Variants in SETD7 observed in about 807,000 individuals in gnomAD.
SETD7 encodes SET domain containing 7, histone lysine methyltransferase.
SETD7 carries 16 observed loss-of-function variants against 41.8 expected under a neutral mutation model. The ratio of observed to expected loss-of-function variants is 0.38; its 90% CI spans 0.26 to 0.58. The LOEUF (loss-of-function observed/expected upper bound fraction) is 0.58, where lower values mean the gene tolerates loss of function less well. SETD7 is among the 20% of genes least tolerant of loss of function. SETD7 has a pLI of 0.64. For synonymous variants in SETD7, 163 were observed against 169.7 expected (o/e 0.96, Z 0.31); for missense variants, 346 against 459.7 (o/e 0.75, Z 2.26).
chr4:139,554,403 A>C (rs1270198423), intron 1 of SETD7, among the ~76,000 whole-genome samples: 1 of 152,260 alleles, frequency 6.6e-6, no homozygotes. Context: ...AACATGGAGA[A>C]CAGTACCAGC....
At chr4:139,525,255 T>C (rs373551100) in intron 4 of SETD7, among the ~76,000 whole-genome samples, 4 of 152,230 alleles carry the variant, frequency 2.6e-5, no homozygotes, top group African/African-American at 9.7e-5. Flanking sequence ...TGTACAACAC[T>C]AGGGACTGTG....
Position 139,510,942 on chromosome 4 carries a change from T to A in SETD7, c.*721A>T, listed in dbSNP as rs889676795. The A allele has an allele frequency of 6.6e-6, 1 of 152,636 alleles. No homozygotes were observed. The highest frequency in any genetic ancestry group is 1.9e-4 in the East Asian group (1 of 5,200). 9.5% of individuals were successfully genotyped at this position (152,636 alleles called of 1,614,324 possible). On this transcript the variant is annotated 3_prime_UTR_variant, in exon 8 of 8. Transcript: ENST00000274031. ...GTTTACATGCGAGAATAATATTCTA[T>A]AATAATACCCTGGCCCTATGAGCCA...
downstream of SETD7, among the ~76,000 whole-genome samples, chr4:139,503,554 A>G (rs544294563): frequency 2.2e-4 from 33 of 152,218 alleles, no homozygotes; most frequent in Non-Finnish European, 4.9e-4. Context: ...TGAATAATCT[A>G]AAACACTTAA....
rs1240752014 is a variant in SETD7, at chr4:139,510,726, A to G, written c.*937T>C. The G allele has an allele frequency of 6.6e-6, 1 of 152,536 alleles. No individual in the cohort carries two copies. Among genetic ancestry groups the G allele is most frequent in the East Asian group, 1.9e-4 (1 of 5,208 alleles). The allele number at this position is 152,536 out of a possible 1,614,324, so 9.4% of individuals were successfully genotyped here. A position where few individuals can be genotyped will look rare whatever the true frequency, so the allele number is the denominator to read the frequency against. On this transcript the variant is annotated 3_prime_UTR_variant, in exon 8 of 8. Transcript: ENST00000274031. ...CAAGCCTGACCGCGCTATGTTATGT[A>G]CATTTAATGTGTACTCAAGGAGGAA...
chr4:139,529,355 C>A (rs1043632052), intron 3 of SETD7, 135 bp from the exon 4 acceptor site: 2 of 615,450 alleles, frequency 3.2e-6, no homozygotes, highest in Non-Finnish European at 5.3e-6. Context: ...GAACCCAGAG[C>A]TTTTCACCTG....
In SETD7 at chr4:139,507,043, C is replaced by A. The variant is rs1310991764; in HGVS notation, c.*4620G>T. On this transcript the variant is annotated 3_prime_UTR_variant, in exon 8 of 8. Coordinates refer to ENST00000274031, the MANE Select transcript of SETD7 (RefSeq NM_030648.4). The stretch of plus-strand genomic sequence containing the variant: ...GAAGTCAGAAGGTAGAGATTGCTGG[C>A]AAAACTGTGAAGTCCCACCCTGGGG... 6.5e-6 allele frequency: 1 copy of A among 152,720 alleles called. No individual in the cohort carries two copies. Among genetic ancestry groups the A allele is most frequent in the Non-Finnish European group, 1.5e-5 (1 of 68,102 alleles). The allele number at this position is 152,720 out of a possible 1,614,324, so 9.5% of individuals were successfully genotyped here.
chr4:139,496,480 A>C (rs1726457376), exon 8 of SETD7: 2 of 702,280 alleles, frequency 2.8e-6, no homozygotes, highest in African/African-American at 3.5e-5. Flanking sequence ...TGGAGCCCCA[A>C]ATCTGCTTCT....
chr4:139,547,122 A>T (rs1015416755), intron 1 of SETD7, 73 bp from the exon 2 acceptor site: 1 of 1,570,294 alleles, frequency 6.4e-7, no homozygotes, highest in African/African-American at 1.4e-5. Context: ...AAGCATTCAG[A>T]TGCTGCCAGA....
At chr4:139,541,948 T>C (rs867525913) in intron 2 of SETD7, among the ~76,000 whole-genome samples, 34 of 152,212 alleles carry the variant, frequency 2.2e-4, no homozygotes, top group African/African-American at 7.2e-4. Flanking sequence ...CCCATGTTTA[T>C]TGCACTATTC....
rs568301401 is a variant in SETD7, at chr4:139,526,046, T to G, written c.563-2611A>C. On this transcript the variant is annotated intron_variant, in intron 4 of 7. Transcript: ENST00000274031. ...GAAGGTTTTTGTTGTTGTTGTTTGTTTTTGTTTGTTTGTTTGTTTGTTTTG... is the reference window on the plus strand; with the variant it reads ...GAAGGTTTTTGTTGTTGTTGTTTGTGTTTGTTTGTTTGTTTGTTTGTTTTG... 1.6e-3 allele frequency among the ~76,000 whole-genome samples: 235 copies of G among 150,982 alleles called. 3 individuals carry two copies. In the Middle Eastern group the frequency reaches 0.024, roughly 15 times the overall value.
rs1560696134 is a variant in SETD7 at position 139,555,289 on chromosome 4, G to T, written c.40+809C>A. 6.6e-6 allele frequency among the ~76,000 whole-genome samples: 1 copy of T among 151,972 alleles called. No homozygotes were observed. Among genetic ancestry groups the T allele is most frequent in the Non-Finnish European group, 1.5e-5 (1 of 67,992 alleles). On this transcript the variant is annotated intron_variant, in intron 1 of 7. Coordinates refer to ENST00000274031, the MANE Select transcript of SETD7 (RefSeq NM_030648.4). This position sits in a 1 kb window ranked among gnomAD's most constrained non-coding sequence, Gnocchi z 4.0. ...GGCGGAGAAACACGACACTGAGGCGGTGATATCACCCACAGCCAACGGCAT... is the reference window on the plus strand; with the variant it reads ...GGCGGAGAAACACGACACTGAGGCGTTGATATCACCCACAGCCAACGGCAT...
intron 1 of SETD7, 63 bp downstream of exon 1, chr4:139,556,035 C>G: frequency 6.7e-7 from 1 of 1,494,060 alleles, no homozygotes; most frequent in Middle Eastern, 1.7e-4. Context: ...TCGCAGCCCG[C>G]CACTCCTTCC....
chr4:139,507,333 A>G lies in SETD7; in HGVS notation c.*4330T>C, dbSNP rs1414661298. Reference sequence around the variant, plus strand: ...CCTCCATTAGCACCTAACTTCCACCAGGAAGCGGCTGAGGCACTGGGGAAG... The same window carrying G: ...CCTCCATTAGCACCTAACTTCCACCGGGAAGCGGCTGAGGCACTGGGGAAG... On this transcript the variant is annotated 3_prime_UTR_variant, in exon 8 of 8. Transcript: ENST00000274031. The G allele has an allele frequency of 6.6e-6, 1 of 152,554 alleles. No homozygotes were observed. Among genetic ancestry groups the G allele is most frequent in the Non-Finnish European group, 1.5e-5 (1 of 68,050 alleles). 9.5% of individuals were successfully genotyped at this position (152,554 alleles called of 1,614,324 possible).
chr4:139,547,377 T>C (rs150909746), intron 1 of SETD7, among the ~76,000 whole-genome samples: 38 of 152,338 alleles, frequency 2.5e-4, no homozygotes, highest in African/African-American at 8.9e-4. Flanking sequence ...GCAGGGCATG[T>C]CACAATTTAC....
At chr4:139,500,080 T>G (rs1271719101) in intron 7 of SETD7, among the ~76,000 whole-genome samples, 2 of 152,252 alleles carry the variant, frequency 1.3e-5, no homozygotes, top group African/African-American at 4.8e-5. Context: ...TAAATGTATG[T>G]GCTTTTTCTC....
chr4:139,501,954 C>T (rs912317305), downstream of SETD7, among the ~76,000 whole-genome samples: 15 of 152,150 alleles, frequency 9.9e-5, no homozygotes, highest in East Asian at 5.8e-4. Flanking sequence ...CCAGAGCAGG[C>T]GGAGCAAAGT....
In SETD7 at chr4:139,509,972, A is replaced by G. The variant is rs189495727; in HGVS notation, c.*1691T>C. ...TGCTCTAGGAAGCCTGGTGTTGCAA[A>G]GAAGGGAAGGGCAACTCTGTCAATG... On this transcript the variant is annotated 3_prime_UTR_variant, in exon 8 of 8. Transcript: ENST00000274031. The G allele has an allele frequency of 3.7e-6, 3 of 811,164 alleles. No individual in the cohort carries two copies. The East Asian group carries it at 3.7e-4, about 101-fold the overall frequency. The allele number at this position is 811,164 out of a possible 1,614,324, so 50.2% of individuals were successfully genotyped here. A position where few individuals can be genotyped will look rare whatever the true frequency, so the allele number is the denominator to read the frequency against.
At chr4:139,515,583 T>C (rs553516934) in intron 7 of SETD7, among the ~76,000 whole-genome samples, 1 of 152,356 alleles carries the variant, frequency 6.6e-6, no homozygotes, top group East Asian at 1.9e-4. Flanking sequence ...TTTGGCCTAA[T>C]TCACCCTGGC....
At chr4:139,503,412 C>T (rs529848677), downstream of SETD7, among the ~76,000 whole-genome samples, 8 of 152,110 alleles carry the variant, frequency 5.3e-5, no homozygotes, top group African/African-American at 1.9e-4. Flanking sequence ...CCCAGCTGCC[C>T]GGCTTCAGAC....
Sources: gnomAD v4.1 joint callset for allele counts (sites outside exome capture counted in the v4.1 genomes callset) on GRCh38, gnomAD v4.1.1 for gene constraint, Gnocchi (gnomAD v3.1) non-coding constraint, MANE v1.5 for transcripts, NCBI Gene and HGNC (gene_info 2026-07-23, HGNC 2026-07-21) for gene names.